The following TMEM178B variants were observed in gnomAD, a reference collection of about 807,000 sequenced individuals.
The protein encoded by TMEM178B is transmembrane protein 178B.
In TMEM178B, 5 loss-of-function variants were observed where a neutral mutation model predicts 31.0. That is an observed-to-expected ratio of 0.16 (90% CI 0.08 to 0.34). The LOEUF (loss-of-function observed/expected upper bound fraction) is 0.34. Among genes scored for constraint, TMEM178B ranks in the 10% least tolerant of loss-of-function variants. TMEM178B has a pLI of 1.00. For synonymous variants in TMEM178B, 164 were observed against 164.0 expected (o/e 1.00, Z 0.00); for missense variants, 275 against 400.3 (o/e 0.69, Z 2.67).
At chr7:141,407,096 A>G (rs148837375) in intron 2 of TMEM178B, among the ~76,000 whole-genome samples, 86 of 152,336 alleles carry the variant, frequency 5.6e-4, no homozygotes, top group African/African-American at 2.0e-3. Context: ...TATATTGCCT[A>G]TTGTGTTTTC....
At chr7:141,382,050 A>G (rs1409275343) in intron 2 of TMEM178B, among the ~76,000 whole-genome samples, 1 of 152,180 alleles carries the variant, frequency 6.6e-6, no homozygotes. Flanking sequence ...CTCCTCTCCC[A>G]TTCAACGAAG....
chr7:141,320,631 T>C (rs1467802223), intron 2 of TMEM178B, among the ~76,000 whole-genome samples: 1 of 152,208 alleles, frequency 6.6e-6, no homozygotes, highest in Non-Finnish European at 1.5e-5. Context: ...GCGCTTTACA[T>C]ATTCAGTCAT....
At chr7:141,162,700 G>A (rs982126807) in intron 1 of TMEM178B, among the ~76,000 whole-genome samples, 2 of 152,210 alleles carry the variant, frequency 1.3e-5, no homozygotes, top group African/African-American at 4.8e-5. Flanking sequence ...AAAAGATGGG[G>A]TCTGGTATAA....
chr7:141,376,573 T>G (rs1360088395), intron 2 of TMEM178B, among the ~76,000 whole-genome samples: 1 of 152,158 alleles, frequency 6.6e-6, no homozygotes, highest in Non-Finnish European at 1.5e-5. Context: ...CCATCAAAAT[T>G]TTAGATAGAT....
Position 141,211,644 on chromosome 7 carries a change from G to A in TMEM178B, c.383-947G>A, listed in dbSNP as rs1213821042. Among the ~76,000 whole-genome samples the A allele has an allele frequency of 2.6e-5, 4 of 152,222 alleles. No homozygotes were observed. The East Asian group carries it at 7.7e-4, about 29-fold the overall frequency. ...TGAGCAAGCGTCAATAGATATGGCT[G>A]CAAGAAACCAAAAGTAATGGGGGAA... is the stretch of plus-strand genomic sequence containing the variant. On this transcript the variant is annotated intron_variant, in intron 1 of 3. Coordinates refer to ENST00000565468, the MANE Select transcript of TMEM178B (RefSeq NM_001195278.2).
chr7:141,209,827 G>C (rs978722692), intron 1 of TMEM178B, among the ~76,000 whole-genome samples: 1 of 152,150 alleles, frequency 6.6e-6, no homozygotes, highest in African/African-American at 2.4e-5. Context: ...AAGAAAGGCA[G>C]GAAGGAGAAT....
chr7:141,202,393 A>G (rs533431422), intron 1 of TMEM178B, among the ~76,000 whole-genome samples: 136 of 152,238 alleles, frequency 8.9e-4, no homozygotes, highest in Middle Eastern at 3.4e-3. Flanking sequence ...CAGGTTTTGA[A>G]AATGAAATTC....
intron 2 of TMEM178B, among the ~76,000 whole-genome samples, chr7:141,251,038 A>G (rs965654103): frequency 9.2e-5 from 14 of 152,188 alleles, no homozygotes; most frequent in South Asian, 8.3e-4. Context: ...CTATGCTCCA[A>G]TGTACCTAAA....
chr7:141,386,264 A>T (rs1356625516), intron 2 of TMEM178B, among the ~76,000 whole-genome samples: 11 of 152,164 alleles, frequency 7.2e-5, no homozygotes. Context: ...GAATGCCTCC[A>T]CTGGTGCCAT....
chr7:141,385,215 G>A (rs749500644), intron 2 of TMEM178B, among the ~76,000 whole-genome samples: 2 of 152,056 alleles, frequency 1.3e-5, no homozygotes, highest in Non-Finnish European at 2.9e-5. Context: ...ATGTTTCATG[G>A]TCCTTAATTA....
chr7:141,252,787 C>A (rs533927871), intron 2 of TMEM178B, among the ~76,000 whole-genome samples: 153 of 152,306 alleles, frequency 1.0e-3, no homozygotes, highest in Non-Finnish European at 1.8e-3. Flanking sequence ...GTGTTGTTGT[C>A]CAAAGTCTGA....
chr7:141,376,253 T>C (rs1448757780), intron 2 of TMEM178B, among the ~76,000 whole-genome samples: 3 of 152,190 alleles, frequency 2.0e-5, no homozygotes, highest in Non-Finnish European at 4.4e-5. Context: ...TAAAAAATAG[T>C]TTTGCCAATC....
intron 2 of TMEM178B, among the ~76,000 whole-genome samples, chr7:141,324,970 C>T (rs2116480473): frequency 6.6e-6 from 1 of 152,136 alleles, no homozygotes. Flanking sequence ...ATTAGGATGT[C>T]ACAATTGGGA....
intron 1 of TMEM178B, among the ~76,000 whole-genome samples, chr7:141,208,660 C>T (rs1025459916): frequency 6.6e-6 from 1 of 152,206 alleles, no homozygotes; most frequent in African/African-American, 2.4e-5. Flanking sequence ...TAGCCAGTCA[C>T]CTGCAGTGCC....
intron 2 of TMEM178B, among the ~76,000 whole-genome samples, chr7:141,361,917 A>G (rs1003876308): frequency 1.3e-5 from 2 of 152,244 alleles, no homozygotes; most frequent in African/African-American, 4.8e-5. Context: ...AAACCCTACT[A>G]TAACTGTACT....
chr7:141,246,578 A>G (rs760856852), intron 2 of TMEM178B, among the ~76,000 whole-genome samples: 26 of 152,314 alleles, frequency 1.7e-4, no homozygotes, highest in Admixed American at 5.2e-4. Context: ...GGGTAGAGAA[A>G]CCAGAGATGG....
Position 141,114,736 on chromosome 7 carries a change from C to T in TMEM178B, c.382+40044C>T, listed in dbSNP as rs989703191. On this transcript the variant is annotated intron_variant, in intron 1 of 3. Coordinates refer to ENST00000565468, the MANE Select transcript of TMEM178B (RefSeq NM_001195278.2). ...TTCACTCCTGTTCTTTGGATCCATC[C>T]CAGATAACCTACTGCATATAAACTA... Among the ~76,000 whole-genome samples, 4 of 152,206 alleles carry T rather than the reference C, an allele frequency of 2.6e-5. No individual in the cohort carries two copies. The South Asian group carries it at 8.3e-4, about 31-fold the overall frequency.
chr7:141,384,700 C>A (rs1800398196), intron 2 of TMEM178B, among the ~76,000 whole-genome samples: 1 of 152,194 alleles, frequency 6.6e-6, no homozygotes, highest in Admixed American at 6.5e-5. Context: ...GCAATGTGGG[C>A]TCTTTTTTGG....
At chr7:141,137,473 A>T (rs992100504) in intron 1 of TMEM178B, among the ~76,000 whole-genome samples, 6 of 152,238 alleles carry the variant, frequency 3.9e-5, no homozygotes, top group Admixed American at 6.5e-5. Flanking sequence ...AGGAAGACAA[A>T]TATCACATGT....
Sources: gnomAD v4.1 joint callset for allele counts (sites outside exome capture counted in the v4.1 genomes callset) on GRCh38, gnomAD v4.1.1 for gene constraint, MANE v1.5 for transcripts, NCBI Gene and HGNC (gene_info 2026-07-23, HGNC 2026-07-21) for gene names.